The following TBC1D5 variants were observed in gnomAD, a reference collection of about 807,000 sequenced individuals.
TBC1D5 encodes the protein TBC1 domain family member 5, also known as TBC1 domain family, member 5.
In TBC1D5, 75 loss-of-function variants were observed where a neutral mutation model predicts 100.3. The observed-to-expected ratio is 0.75, with a 90% CI of 0.62 to 0.91. The LOEUF (loss-of-function observed/expected upper bound fraction) is 0.91, where lower values mean the gene tolerates loss of function less well. Ranked by LOEUF, TBC1D5 falls within the 40% of genes least tolerant of loss-of-function variation. The pLI is 0.00. For synonymous variants in TBC1D5, 323 were observed against 325.6 expected (o/e 0.99, Z 0.09); for missense variants, 910 against 942.4 (o/e 0.97, Z 0.45).
chr3:17,637,063 C>T (rs1242378135), intron 1 of TBC1D5, among the ~76,000 whole-genome samples: 1 of 150,216 alleles, frequency 6.7e-6, no homozygotes, highest in Non-Finnish European at 1.5e-5. Context: ...ACTCTGTCGC[C>T]CAGGCTGGAG....
At chr3:17,188,252 A>C (rs1193575570) in intron 18 of TBC1D5, among the ~76,000 whole-genome samples, 1 of 152,236 alleles carries the variant, frequency 6.6e-6, no homozygotes, top group Non-Finnish European at 1.5e-5. Context: ...ACTTGCTGGG[A>C]AAATATGCAG....
chr3:17,496,909 T>C (rs1236655762), intron 3 of TBC1D5, among the ~76,000 whole-genome samples: 10 of 152,288 alleles, frequency 6.6e-5, no homozygotes, highest in Admixed American at 3.9e-4. Context: ...TACAAAAACC[T>C]TCTACCTGGC....
At chr3:17,706,135 G>A in intron 1 of TBC1D5, 1 of 1,600,920 alleles carries the variant, frequency 6.2e-7, no homozygotes, top group Admixed American at 1.7e-5. Flanking sequence ...TCGGGCTTGA[G>A]GCAAAGGCTG....
intron 18 of TBC1D5, among the ~76,000 whole-genome samples, chr3:17,211,173 A>C (rs1221806716): frequency 1.3e-5 from 2 of 152,194 alleles, no homozygotes; most frequent in Non-Finnish European, 2.9e-5. Flanking sequence ...GCTAAGAGGA[A>C]GTTCTGTGTT....
At chr3:17,431,517 T>C (rs960408864) in intron 3 of TBC1D5, among the ~76,000 whole-genome samples, 1 of 152,002 alleles carries the variant, frequency 6.6e-6, no homozygotes, top group African/African-American at 2.4e-5. Context: ...AAATAACATA[T>C]GTGTAACTAT....
At chr3:17,259,713 G>A (rs1334416929) in intron 15 of TBC1D5, among the ~76,000 whole-genome samples, 3 of 33,932 alleles carry the variant, frequency 8.8e-5, no homozygotes, top group African/African-American at 2.9e-4. Flanking sequence ...ATGCAGGCAC[G>A]GGGGGGGTTG....
intron 2 of TBC1D5, among the ~76,000 whole-genome samples, chr3:17,509,608 G>A (rs1370728131): frequency 6.6e-6 from 1 of 151,928 alleles, no homozygotes. Flanking sequence ...TTTGTTAATA[G>A]AGTTAATTGT....
At chr3:17,742,608 G>A (rs893689272), upstream of TBC1D5, 2 of 152,212 alleles carry the variant, frequency 1.3e-5, no homozygotes, top group Admixed American at 6.5e-5. Context: ...CGACCTGAAA[G>A]AGAACAGGGC....
intron 18 of TBC1D5, among the ~76,000 whole-genome samples, chr3:17,191,511 G>A (rs920107218): frequency 2.0e-5 from 3 of 152,194 alleles, no homozygotes; most frequent in African/African-American, 4.8e-5. Context: ...ATGGCAACAT[G>A]CACACATATG....
chr3:17,170,609 T>C (rs2067080634), intron 19 of TBC1D5, among the ~76,000 whole-genome samples: 1 of 152,048 alleles, frequency 6.6e-6, no homozygotes, highest in Non-Finnish European at 1.5e-5. Context: ...GCGGGGCCCA[T>C]GGCCAGGAGG....
intron 1 of TBC1D5, among the ~76,000 whole-genome samples, chr3:17,730,848 C>T (rs895084228): frequency 5.3e-5 from 8 of 151,842 alleles, no homozygotes; most frequent in African/African-American, 1.7e-4. Flanking sequence ...TATACGTGGC[C>T]CTGGCACTCA....
Position 17,331,395 on chromosome 3 carries a change from T to C in TBC1D5, c.996-23261A>G, listed in dbSNP as rs73145817. On this transcript the variant is annotated intron_variant, in intron 13 of 21. Coordinates refer to ENST00000253692, the Ensembl canonical transcript of TBC1D5. The stretch of plus-strand genomic sequence containing the variant: ...TAATACACAATATATGACAACTCTC[T>C]TCTTCCCTGGTCCCTGTGATAATGT... 8.9e-3 allele frequency among the ~76,000 whole-genome samples: 1,351 copies of C among 152,332 alleles called. 24 individuals are homozygous for C. Among genetic ancestry groups the C allele is most frequent in the African/African-American group, 0.031 (1,273 of 41,574 alleles).
chr3:17,159,381 A>T (rs933065333), exon 22 of TBC1D5: 5 of 152,176 alleles, frequency 3.3e-5, no homozygotes, highest in Admixed American at 3.3e-4. Context: ...AGTGGGAGGG[A>T]CGTAAACAGT....
intron 19 of TBC1D5, among the ~76,000 whole-genome samples, chr3:17,175,971 T>C (rs766993968): frequency 1.5e-4 from 23 of 152,324 alleles, no homozygotes; most frequent in Middle Eastern, 6.8e-3. Flanking sequence ...AGTAAGCCTG[T>C]TTCCACAGAC....
chr3:17,415,795 T>C (rs1033506358), intron 4 of TBC1D5, among the ~76,000 whole-genome samples: 6 of 152,176 alleles, frequency 3.9e-5, no homozygotes, highest in Admixed American at 1.3e-4. Flanking sequence ...TCATGCTTCC[T>C]CTATAATTAA....
chr3:17,167,367 A>G (rs1476186277), intron 20 of TBC1D5, among the ~76,000 whole-genome samples: 2 of 152,326 alleles, frequency 1.3e-5, no homozygotes, highest in East Asian at 3.9e-4. Flanking sequence ...GCTTGGGTCA[A>G]TGTGGTCCTT....
At chr3:17,294,746 G>A (rs2082084649) in intron 14 of TBC1D5, among the ~76,000 whole-genome samples, 1 of 152,156 alleles carries the variant, frequency 6.6e-6, no homozygotes. Context: ...CAGCAAATAA[G>A]TTCACTGCTT....
chr3:17,544,646 G>C (rs1322755342), intron 2 of TBC1D5, among the ~76,000 whole-genome samples: 1 of 121,114 alleles, frequency 8.3e-6, no homozygotes, highest in African/African-American at 4.0e-5. Flanking sequence ...GTGAGACTCC[G>C]TCTGAAAAAA....
chr3:17,702,768 T>C (rs1261347114), intron 1 of TBC1D5, among the ~76,000 whole-genome samples: 1 of 152,158 alleles, frequency 6.6e-6, no homozygotes, highest in African/African-American at 2.4e-5. Flanking sequence ...AAGACTCATA[T>C]GGTACTACCT....
Sources: allele counts gnomAD v4.1 joint callset (sites outside exome capture counted in the v4.1 genomes callset), GRCh38; gene constraint gnomAD v4.1.1; transcripts MANE v1.5; gene names NCBI Gene and HGNC (gene_info 2026-07-23, HGNC 2026-07-21).